Variants in C6orf15 observed in about 807,000 individuals in gnomAD.
The protein encoded by C6orf15 is chromosome 6 open reading frame 15.
In C6orf15, 5 loss-of-function variants were observed where a neutral mutation model predicts 2.8. The ratio of observed to expected loss-of-function variants is 1.80; its 90% CI spans 0.94 to 3.78. The LOEUF (loss-of-function observed/expected upper bound fraction) is 3.78, where lower values mean the gene tolerates loss of function less well. Among genes scored for constraint, C6orf15 ranks in the 30% most tolerant of loss-of-function variants. The pLI is 0.00. For missense variants in C6orf15, 363 were observed against 418.8 expected (o/e 0.87, Z 1.16); for synonymous variants, 145 against 163.2 (o/e 0.89, Z 0.85).
At position 31,112,267 on chromosome 6, in the gene C6orf15, A is replaced by G. The variant is rs763064841; in HGVS notation, c.92T>C (p.Val31Ala). ...LPGLFARSIG[V>A]VEEKVSQNLG... is the part of the protein sequence containing the mutation. Reference sequence around the variant, plus strand: ...GTTTTGGGAAACTTTCTCCTCCACAACACCGATGCTCCGGGCAAAGAGGCC... The same window carrying G: ...GTTTTGGGAAACTTTCTCCTCCACAGCACCGATGCTCCGGGCAAAGAGGCC... The change falls in exon 2 of 2, where the codon GTT (valine) becomes GCT (alanine). Residue 31 changes from valine (V) to alanine (A), a missense_variant. Transcript: ENST00000259870. 6.2e-7 allele frequency: 1 copy of G among 1,613,054 alleles called. No individual in the cohort carries two copies. Among genetic ancestry groups the G allele is most frequent in the East Asian group, 2.2e-5 (1 of 44,882 alleles).
In C6orf15 at chr6:31,111,726, G is replaced by A. The variant is rs375181771; in HGVS notation, c.633C>T (p.Thr211=). The A allele has an allele frequency of 1.8e-3, 2,954 of 1,608,670 alleles. 66 individuals are homozygous for A. In the South Asian group the frequency reaches 0.029, roughly 16 times the overall value. ...HRVLPDHPWG[T]LNPSVSWGGG... Reference sequence around the variant, plus strand: ...CTCCCCAGGACACACTGGGATTCAGGGTACCCCAGGGGTGATCAGGCAGAA... The same window carrying A: ...CTCCCCAGGACACACTGGGATTCAGAGTACCCCAGGGGTGATCAGGCAGAA... Residue 211 remains threonine, a synonymous_variant, in exon 2 of 2, where the codon ACC becomes ACT. Coordinates refer to ENST00000259870, the MANE Select transcript of C6orf15 (RefSeq NM_014070.3).
chr6:31,111,930 G>C lies in C6orf15; in HGVS notation c.429C>G (p.Ala143=). The C allele has an allele frequency of 6.2e-7, 1 of 1,613,048 alleles. No individual in the cohort carries two copies. Among genetic ancestry groups the C allele is most frequent in the Non-Finnish European group, 8.5e-7 (1 of 1,180,006 alleles). Residue 143 remains alanine, a synonymous_variant, in exon 2 of 2, where the codon GCC becomes GCG. Transcript: ENST00000259870. ...GCAAAGGGCCACTGCCCGGAGCGAGGGCCGCAGCACTGGAGAGGTAAGAGA... is the reference window on the plus strand; with the variant it reads ...GCAAAGGGCCACTGCCCGGAGCGAGCGCCGCAGCACTGGAGAGGTAAGAGA... ...EELSYLSSAA[A]LAPGSGPLPG... is the part of the protein sequence containing the mutation.
chr6:31,111,293 C>T lies in C6orf15; in HGVS notation c.*88G>A. The T allele has an allele frequency of 8.2e-7, 1 of 1,226,614 alleles. No individual in the cohort carries two copies. The highest frequency in any genetic ancestry group is 1.1e-6 in the Non-Finnish European group (1 of 891,588). 76.0% of individuals were successfully genotyped at this position (1,226,614 alleles called of 1,614,324 possible). ...TGAAAAGTGGGGATAGTGCTGGAAA[C>T]ATGCTGACAGGGCCTGGATTGAGCC... On this transcript the variant is annotated 3_prime_UTR_variant, in exon 2 of 2. Coordinates refer to ENST00000259870, the MANE Select transcript of C6orf15 (RefSeq NM_014070.3).
Position 31,111,623 on chromosome 6 carries a change from G to C in C6orf15, c.736C>G (p.Pro246Ala), listed in dbSNP as rs1226592063. ...TTAATATTTCCCCAGCTGGTACCTGGGGGTTGATTATTGATACCCCAGATT... is the reference window on the plus strand; with the variant it reads ...TTAATATTTCCCCAGCTGGTACCTGCGGGTTGATTATTGATACCCCAGATT... ...EGIWGINNQP[P>A]GTSWGNINRY... Residue 246 changes from proline to alanine, a missense_variant, in exon 2 of 2, where the codon CCA (proline) becomes GCA (alanine). By Grantham distance (27) the Pro-to-Ala change is conservative. Transcript: ENST00000259870. 1 of 1,612,788 alleles carries C rather than the reference G, an allele frequency of 6.2e-7. No homozygotes were observed. Among genetic ancestry groups the C allele is most frequent in the African/African-American group, 1.3e-5 (1 of 74,884 alleles).
rs1771756360 is a variant in C6orf15, at chr6:31,111,227, A to G, written c.*154T>C. ...AAGAAACCAAGGAGAAGCAAATTCC[A>G]TAAGTGCTTTTATTTTATTGGAGAT... On this transcript the variant is annotated 3_prime_UTR_variant, in exon 2 of 2. Transcript: ENST00000259870. The G allele has an allele frequency of 2.9e-6, 2 of 688,646 alleles. No individual in the cohort carries two copies. The highest frequency in any genetic ancestry group is 4.7e-6 in the Non-Finnish European group (2 of 421,786). The allele number at this position is 688,646 out of a possible 1,614,324, so 42.7% of individuals were successfully genotyped here. A position where few individuals can be genotyped will look rare whatever the true frequency, so the allele number is the denominator to read the frequency against.
At position 31,111,419 on chromosome 6, in the gene C6orf15, A is replaced by T. The variant is rs561469059; in HGVS notation, c.940T>A (p.Phe314Ile). The change falls in exon 2 of 2, where the codon TTC becomes ATC. Residue 314 changes from phenylalanine to isoleucine, a missense_variant. Physicochemically the swap from Phe to Ile is conservative, Grantham distance 21. Transcript: ENST00000259870. ...PGSSWNIPAGFPNPPSPRLQW... is the reference protein window; with the variant it reads ...PGSSWNIPAGIPNPPSPRLQW... ...AACCTAGGGCTTGGAGGATTAGGGAAGCCAGCTGGGATGTTCCAAGAAGAG... is the reference window on the plus strand; with the variant it reads ...AACCTAGGGCTTGGAGGATTAGGGATGCCAGCTGGGATGTTCCAAGAAGAG... The T allele has an allele frequency of 2.2e-5, 35 of 1,608,994 alleles. No homozygotes were observed. The highest frequency in any genetic ancestry group is 2.9e-5 in the Non-Finnish European group (34 of 1,176,884).
At position 31,112,533 on chromosome 6, in the gene C6orf15, C is replaced by T. The variant is rs752808668; in HGVS notation, c.23G>A (p.Ser8Asn). 110 of 1,550,506 alleles carry T rather than the reference C, an allele frequency of 7.1e-5. No homozygotes were observed. Among genetic ancestry groups the T allele is most frequent in the Non-Finnish European group, 8.9e-5 (102 of 1,146,344 alleles). Residue 8 changes from serine (S) to asparagine (N), a missense_variant, in exon 1 of 2, where the codon AGC (serine) becomes AAC (asparagine). Physicochemically the swap from Ser to Asn is conservative, Grantham distance 46 (BLOSUM62 1). Transcript: ENST00000259870. ...CAGGAGCAGGCCCAGAGGAGCGCAGCTCCCTGCCACGCGGCCCTGCATCCT... is the reference window on the plus strand; with the variant it reads ...CAGGAGCAGGCCCAGAGGAGCGCAGTTCCCTGCCACGCGGCCCTGCATCCT... MQGRVAG[S>N]CAPLGLLLVC...
chr6:31,111,413 T>C lies in C6orf15; in HGVS notation c.946A>G (p.Asn316Asp). Reference protein sequence around the residue: ...SSWNIPAGFPNPPSPRLQWG With the variant: ...SSWNIPAGFPDPPSPRLQWG The stretch of plus-strand genomic sequence containing the variant: ...CACTGCAACCTAGGGCTTGGAGGAT[T>C]AGGGAAGCCAGCTGGGATGTTCCAA... Residue 316 changes from asparagine (N) to aspartate (D), a missense_variant, in exon 2 of 2, where the codon AAT (asparagine) becomes GAT (aspartate). Physicochemically the swap from Asn to Asp is conservative, Grantham distance 23 (BLOSUM62 1). Coordinates refer to ENST00000259870, the MANE Select transcript of C6orf15 (RefSeq NM_014070.3). The C allele has an allele frequency of 6.2e-7, 1 of 1,608,010 alleles. No individual in the cohort carries two copies. The highest frequency in any genetic ancestry group is 1.1e-5 in the South Asian group (1 of 90,864).
In C6orf15 at chr6:31,112,472, C is replaced by A; in HGVS notation, c.67+17G>T. 6.5e-7 allele frequency: 1 copy of A among 1,545,282 alleles called. No individual in the cohort carries two copies. The highest frequency in any genetic ancestry group is 8.8e-7 in the Non-Finnish European group (1 of 1,142,810). Reference sequence around the variant, plus strand: ...ACCTCCAGTCCCTCCTGCCCAAGGGCATCACGGCCTCCATACCTGGGAGAT... The same window carrying A: ...ACCTCCAGTCCCTCCTGCCCAAGGGAATCACGGCCTCCATACCTGGGAGAT... On this transcript the variant is annotated intron_variant, in intron 1 of 1. Transcript: ENST00000259870.
Position 31,112,080 on chromosome 6 carries a change from A to G in C6orf15, c.279T>C (p.Ser93=). 1 of 1,614,072 alleles carries G rather than the reference A, an allele frequency of 6.2e-7. No homozygotes were observed. Residue 93 remains serine (S), a synonymous_variant, in exon 2 of 2, where the codon TCT becomes TCC. Coordinates refer to ENST00000259870, the MANE Select transcript of C6orf15 (RefSeq NM_014070.3). ...ASDGFPPAGG[S]AVQRWPPSWG... is the part of the protein sequence containing the mutation. Reference sequence around the variant, plus strand: ...ACGATGGAGGCCACCTCTGCACTGCAGAACCTCCTGCAGGTGGGAAGCCAT... The same window carrying G: ...ACGATGGAGGCCACCTCTGCACTGCGGAACCTCCTGCAGGTGGGAAGCCAT...
In C6orf15 at chr6:31,111,333, C is replaced by T. The variant is rs1183034552; in HGVS notation, c.*48G>A. 6 of 1,478,062 alleles carry T rather than the reference C, an allele frequency of 4.1e-6. No individual in the cohort carries two copies. Among genetic ancestry groups the T allele is most frequent in the South Asian group, 2.7e-5 (2 of 75,084 alleles). 91.6% of individuals were successfully genotyped at this position (1,478,062 alleles called of 1,614,324 possible). A position where few individuals can be genotyped will look rare whatever the true frequency, so the allele number is the denominator to read the frequency against. On this transcript the variant is annotated 3_prime_UTR_variant, in exon 2 of 2. Coordinates refer to ENST00000259870, the MANE Select transcript of C6orf15 (RefSeq NM_014070.3). ...TGGATTGAGCCCACACAGCAAGGGG[C>T]GGGAGCAGGACTCTAACTCCCAATG... is the stretch of plus-strand genomic sequence containing the variant.
intron 1 of C6orf15, 76 bp from the exon 2 acceptor site, chr6:31,112,367 C>T: frequency 1.3e-6 from 2 of 1,487,008 alleles, no homozygotes; most frequent in South Asian, 1.3e-5. Context: ...TCCCCTATGC[C>T]TATTCTTCCT....
At position 31,112,525 on chromosome 6, in the gene C6orf15, G is replaced by A. The variant is rs1451988322; in HGVS notation, c.31C>T (p.Pro11Ser). The change falls in exon 1 of 2, where the codon CCT becomes TCT. Residue 11 changes from proline to serine, a missense_variant. By Grantham distance (74) the Pro-to-Ser change is moderately conservative. Transcript: ENST00000259870. ...AGACAGACCAGGAGCAGGCCCAGAG[G>A]AGCGCAGCTCCCTGCCACGCGGCCC... MQGRVAGSCAPLGLLLVCLHL... is the reference protein window; with the variant it reads MQGRVAGSCASLGLLLVCLHL... The A allele has an allele frequency of 6.4e-7, 1 of 1,551,954 alleles. No homozygotes were observed. The highest frequency in any genetic ancestry group is 8.7e-7 in the Non-Finnish European group (1 of 1,147,000).
Position 31,112,298 on chromosome 6 carries a change from G to T in C6orf15, c.68-7C>A, listed in dbSNP as rs377281924. The T allele has an allele frequency of 2.5e-6, 4 of 1,601,952 alleles. No homozygotes were observed. The highest frequency in any genetic ancestry group is 3.4e-6 in the Non-Finnish European group (4 of 1,174,120). ...ATGCTCCGGGCAAAGAGGCCTGAGGGAAAGGGAAGATAAAGCAACCAGTGG... is the reference window on the plus strand; with the variant it reads ...ATGCTCCGGGCAAAGAGGCCTGAGGTAAAGGGAAGATAAAGCAACCAGTGG... On this transcript the variant is annotated splice_region_variant and splice_polypyrimidine_tract_variant and intron_variant, in intron 1 of 1. Coordinates refer to ENST00000259870, the MANE Select transcript of C6orf15 (RefSeq NM_014070.3).
Position 31,111,921 on chromosome 6 carries a change from C to G in C6orf15, c.438G>C (p.Pro146=). ...ACTCCCCAGGCAAAGGGCCACTGCC[C>G]GGAGCGAGGGCCGCAGCACTGGAGA... ...SYLSSAAALA[P]GSGPLPGESS... is the part of the protein sequence containing the mutation. Residue 146 remains proline, a synonymous_variant, in exon 2 of 2, where the codon CCG becomes CCC. Coordinates refer to ENST00000259870, the MANE Select transcript of C6orf15 (RefSeq NM_014070.3). The G allele has an allele frequency of 6.2e-7, 1 of 1,612,980 alleles. No individual in the cohort carries two copies.
Position 31,111,896 on chromosome 6 carries a change from A to T in C6orf15, c.463T>A (p.Ser155Thr). The T allele has an allele frequency of 6.2e-7, 1 of 1,612,664 alleles. No homozygotes were observed. The highest frequency in any genetic ancestry group is 8.5e-7 in the Non-Finnish European group (1 of 1,179,894). ...APGSGPLPGESSPDATGLSPK... is the reference protein window; with the variant it reads ...APGSGPLPGETSPDATGLSPK... ...GAGAGGCCTGTGGCATCGGGAGAAG[A>T]CTCCCCAGGCAAAGGGCCACTGCCC... is the stretch of plus-strand genomic sequence containing the variant. The change falls in exon 2 of 2, where the codon TCT (serine) becomes ACT (threonine). Residue 155 changes from serine to threonine, a missense_variant. Ser to Thr is a moderately conservative substitution (Grantham distance 58, BLOSUM62 1). Transcript: ENST00000259870.
chr6:31,111,259 G>A lies in C6orf15; in HGVS notation c.*122C>T. ...CTTTTATTTTATTGGAGATGAGCAG[G>A]GGAGGCACTGAAAAGTGGGGATAGT... On this transcript the variant is annotated 3_prime_UTR_variant, in exon 2 of 2. Transcript: ENST00000259870. 2.4e-6 allele frequency: 2 copies of A among 826,254 alleles called. No homozygotes were observed. The highest frequency in any genetic ancestry group is 3.7e-6 in the Non-Finnish European group (2 of 536,406). 51.2% of individuals were successfully genotyped at this position (826,254 alleles called of 1,614,324 possible).
At chr6:31,112,439 C>G (rs770697599) in intron 1 of C6orf15, 50 bp downstream of exon 1, 1 of 1,483,996 alleles carries the variant, frequency 6.7e-7, no homozygotes, top group Admixed American at 2.3e-5. Context: ...ATTCCTGTTT[C>G]CTGGGGGACC....
rs746153184 is a variant in C6orf15, at chr6:31,111,796, C to A, written c.563G>T (p.Gly188Val). Residue 188 changes from glycine (G) to valine (V), a missense_variant, in exon 2 of 2, where the codon GGA (glycine) becomes GTA (valine). Transcript: ENST00000259870. ...LPRSNSLGAG[G>V]KILSQRPPWS... ...GGGAGGGCGTTGGGAAAGGATTTTT[C>A]CCCCGGCTCCCAGTGAATTAGAACG... 1 of 1,612,660 alleles carries A rather than the reference C, an allele frequency of 6.2e-7. No homozygotes were observed. Among genetic ancestry groups the A allele is most frequent in the South Asian group, 1.1e-5 (1 of 91,062 alleles).
Sources: allele counts gnomAD v4.1 joint callset, GRCh38; gene constraint gnomAD v4.1.1; transcripts MANE v1.5; gene names NCBI Gene and HGNC (gene_info 2026-07-23, HGNC 2026-07-21).